Variants in WWOX observed in about 807,000 individuals in gnomAD.
The protein encoded by WWOX is WW domain-containing oxidoreductase.
A neutral mutation model predicts 46.2 loss-of-function variants in WWOX; 69 were observed. That is an observed-to-expected ratio of 1.49 (90% CI 1.23 to 1.82). WWOX has a LOEUF of 1.82. Among genes scored for constraint, WWOX ranks in the 40% most tolerant of loss-of-function variants. The pLI is 0.00. For missense variants in WWOX, 919 were observed against 542.6 expected (o/e 1.69, Z -6.89); for synonymous variants, 359 against 202.6 (o/e 1.77, Z -6.56).
At chr16:79,164,595 C>G (rs2050554706) in intron 8 of WWOX, among the ~76,000 whole-genome samples, 1 of 152,160 alleles carries the variant, frequency 6.6e-6, no homozygotes, top group Non-Finnish European at 1.5e-5. Flanking sequence ...GTGGAGACCT[C>G]CGGCTGACAC....
intron 8 of WWOX, among the ~76,000 whole-genome samples, chr16:79,025,083 C>T (rs2047610736): frequency 6.6e-6 from 1 of 152,018 alleles, no homozygotes; most frequent in Admixed American, 6.6e-5. Flanking sequence ...CCCCATTCCA[C>T]TCCCAAGAGC....
intron 8 of WWOX, among the ~76,000 whole-genome samples, chr16:79,100,676 C>A (rs913112723): frequency 1.3e-5 from 2 of 152,084 alleles, no homozygotes; most frequent in African/African-American, 2.4e-5. Context: ...TTCAGTACCT[C>A]CTAGCTAAGC....
At chr16:78,646,723 A>G (rs562128177) in intron 8 of WWOX, among the ~76,000 whole-genome samples, 8 of 152,264 alleles carry the variant, frequency 5.3e-5, no homozygotes, top group African/African-American at 1.9e-4. Context: ...TGCCTGGCGT[A>G]TATATTTTAA....
intron 8 of WWOX, among the ~76,000 whole-genome samples, chr16:79,002,669 C>G (rs563236717): frequency 6.6e-6 from 1 of 152,176 alleles, no homozygotes; most frequent in African/African-American, 2.4e-5. Context: ...CTGATTTAAT[C>G]TTCACAAGCA....
At chr16:78,411,693 A>G (rs1390988140) in intron 6 of WWOX, among the ~76,000 whole-genome samples, 2 of 152,230 alleles carry the variant, frequency 1.3e-5, no homozygotes, top group East Asian at 1.9e-4. Flanking sequence ...TTTAACCAGT[A>G]TTCATAAAAA....
chr16:78,190,433 C>T (rs1283915873), intron 5 of WWOX, among the ~76,000 whole-genome samples: 1 of 152,196 alleles, frequency 6.6e-6, no homozygotes, highest in African/African-American at 2.4e-5. Flanking sequence ...GAGTTTCTGT[C>T]ACTTGCAACC....
At chr16:78,322,314 T>C (rs900379121) in intron 5 of WWOX, among the ~76,000 whole-genome samples, 9 of 152,178 alleles carry the variant, frequency 5.9e-5, no homozygotes, top group African/African-American at 2.2e-4. Context: ...AAATGACATT[T>C]TGACTTTGAC....
intron 8 of WWOX, among the ~76,000 whole-genome samples, chr16:78,836,459 G>C (rs1427458540): frequency 2.0e-5 from 3 of 152,172 alleles, no homozygotes; most frequent in Non-Finnish European, 2.9e-5. Context: ...CCCACCTGAA[G>C]GGTGGCATCC....
At chr16:79,203,549 T>A (rs1456653982) in intron 8 of WWOX, 1 of 151,680 alleles carries the variant, frequency 6.6e-6, no homozygotes, top group Admixed American at 6.6e-5. Flanking sequence ...ATAGAATACT[T>A]ATGGGGCATA....
intron 8 of WWOX, among the ~76,000 whole-genome samples, chr16:78,687,209 A>G (rs371974311): frequency 6.6e-6 from 1 of 152,208 alleles, no homozygotes; most frequent in East Asian, 1.9e-4. Context: ...TGTTCATGAT[A>G]TAACAGTAAA....
intron 8 of WWOX, among the ~76,000 whole-genome samples, chr16:79,208,252 C>G (rs530868795): frequency 1.3e-5 from 2 of 152,230 alleles, no homozygotes; most frequent in South Asian, 4.2e-4. Flanking sequence ...TCTGGGCTTC[C>G]CAGAAATTCT....
chr16:78,988,927 A>C (rs2151343927), intron 8 of WWOX, among the ~76,000 whole-genome samples: 1 of 152,260 alleles, frequency 6.6e-6, no homozygotes, highest in South Asian at 2.1e-4. Flanking sequence ...GCTTCTTTTC[A>C]GCTTTGTTGG....
chr16:78,726,261 G>A (rs1355093698), intron 8 of WWOX, among the ~76,000 whole-genome samples: 1 of 145,208 alleles, frequency 6.9e-6, no homozygotes, highest in Non-Finnish European at 1.5e-5. Context: ...GTCTTGCTCT[G>A]TCACCCAGGT....
intron 5 of WWOX, among the ~76,000 whole-genome samples, chr16:78,365,052 G>C (rs2081502924): frequency 6.6e-6 from 1 of 152,138 alleles, no homozygotes. Flanking sequence ...TTAGACTTGG[G>C]TTCAAATTCT....
chr16:78,920,033 C>T lies in WWOX; in HGVS notation c.1057-291575C>T, dbSNP rs191784487. Among the ~76,000 whole-genome samples the T allele has an allele frequency of 2.1e-3, 320 of 152,242 alleles. 1 individual carries two copies. The highest frequency in any genetic ancestry group is 7.2e-3 in the African/African-American group (301 of 41,554). On this transcript the variant is annotated intron_variant, in intron 8 of 8. Coordinates refer to ENST00000566780, the MANE Select transcript of WWOX (RefSeq NM_016373.4). ...CACTGAGGGTCATTGTATCAGTCAG[C>T]GTAGACTAGGTTTGCCGCAGTAACA...
chr16:78,523,425 C>G (rs1405461874), intron 8 of WWOX, among the ~76,000 whole-genome samples: 2 of 152,130 alleles, frequency 1.3e-5, no homozygotes, highest in Non-Finnish European at 2.9e-5. Context: ...GTAACAATGC[C>G]ATCCGGTAAT....
chr16:79,042,469 T>C (rs1004001692), intron 8 of WWOX, among the ~76,000 whole-genome samples: 6 of 152,188 alleles, frequency 3.9e-5, no homozygotes. Flanking sequence ...CTCTGCCCAG[T>C]GTAAATTGGT....
chr16:78,710,869 G>T (rs937666611), intron 8 of WWOX, among the ~76,000 whole-genome samples: 2 of 151,850 alleles, frequency 1.3e-5, no homozygotes, highest in East Asian at 1.9e-4. Flanking sequence ...CTACTCACTC[G>T]GCCTCCCAAA....
chr16:78,404,323 C>G (rs1020410318), intron 6 of WWOX, among the ~76,000 whole-genome samples: 1 of 151,984 alleles, frequency 6.6e-6, no homozygotes, highest in Admixed American at 6.6e-5. Context: ...CTGTTGTATG[C>G]CAAGCATAAC....
Sources: gnomAD v4.1 joint callset for allele counts (sites outside exome capture counted in the v4.1 genomes callset) on GRCh38, gnomAD v4.1.1 for gene constraint, MANE v1.5 for transcripts, NCBI Gene and HGNC (gene_info 2026-07-23, HGNC 2026-07-21) for gene names.